The following CDH2 variants were observed in gnomAD, a reference collection of about 807,000 sequenced individuals.
The protein encoded by CDH2 is cadherin 2, also known as cadherin-2.
Under a neutral mutation model 92.0 loss-of-function variants are expected in CDH2, and 17 were observed. That is an observed-to-expected ratio of 0.18 (90% CI 0.13 to 0.28). The LOEUF (loss-of-function observed/expected upper bound fraction) is 0.28, where lower values mean the gene tolerates loss of function less well. Ranked by LOEUF, CDH2 falls within the 10% of genes least tolerant of loss-of-function variation. The pLI, the probability that CDH2 is intolerant of heterozygous loss-of-function variation, is 1.00. For missense variants in CDH2, 862 were observed against 1,133.1 expected (o/e 0.76, Z 3.44); for synonymous variants, 419 against 415.9 (o/e 1.01, Z -0.09).
intron 2 of CDH2, among the ~76,000 whole-genome samples, chr18:28,052,993 T>C (rs568490428): frequency 1.3e-5 from 2 of 152,070 alleles, no homozygotes; most frequent in Non-Finnish European, 2.9e-5. Context: ...CTGGTGTCCA[T>C]ATAAAAAGAC....
intron 2 of CDH2, among the ~76,000 whole-genome samples, chr18:28,046,937 G>A (rs1048063345): frequency 2.0e-4 from 30 of 152,302 alleles, no homozygotes; most frequent in African/African-American, 6.5e-4. Context: ...CCTTAAGGCA[G>A]GTATGCAATA....
chr18:27,969,210 C>T (rs909386754), intron 14 of CDH2, among the ~76,000 whole-genome samples: 40 of 152,142 alleles, frequency 2.6e-4, no homozygotes, highest in African/African-American at 8.9e-4. Context: ...GAACCATAAA[C>T]CTAATACAAA....
At chr18:28,176,895 G>A (rs1394795366) in intron 1 of CDH2, 68 bp downstream of exon 1, 77 of 942,270 alleles carry the variant, frequency 8.2e-5, no homozygotes, top group Admixed American at 2.1e-4. Context: ...GCGGCGCGGG[G>A]AACAAAGGGA....
At chr18:28,172,216 T>C (rs17536954) in intron 1 of CDH2, among the ~76,000 whole-genome samples, 4,293 of 152,080 alleles carry the variant, frequency 0.028, 211 homozygotes, top group African/African-American at 0.098. Context: ...CTAAGCAGAA[T>C]TTAATCTAAA....
At chr18:27,983,227 C>A in intron 13 of CDH2, 144 bp from the exon 14 acceptor site, 1 of 590,048 alleles carries the variant, frequency 1.7e-6, no homozygotes, top group Non-Finnish European at 2.8e-6. Flanking sequence ...TATTTCTGGC[C>A]TCACATTAAG....
chr18:27,958,791 C>T (rs567202579), intron 15 of CDH2, among the ~76,000 whole-genome samples: 2 of 152,206 alleles, frequency 1.3e-5, no homozygotes, highest in Admixed American at 6.5e-5. Flanking sequence ...ACGGTTACCC[C>T]TATGCTGCCG....
At chr18:27,968,525 C>G (rs2011583357) in intron 14 of CDH2, among the ~76,000 whole-genome samples, 1 of 152,158 alleles carries the variant, frequency 6.6e-6, no homozygotes, top group Non-Finnish European at 1.5e-5. Flanking sequence ...ATAAGACTAA[C>G]TGTTGTTTAG....
chr18:27,989,105 A>G (rs1045439125), intron 10 of CDH2, among the ~76,000 whole-genome samples: 1 of 152,226 alleles, frequency 6.6e-6, no homozygotes, highest in Non-Finnish European at 1.5e-5. Context: ...AAACATTTTA[A>G]CACTTTATCA....
chr18:27,958,477 G>T (rs1211415601), intron 15 of CDH2, among the ~76,000 whole-genome samples: 3 of 148,852 alleles, frequency 2.0e-5, no homozygotes, highest in Non-Finnish European at 4.5e-5. Flanking sequence ...ATATATGTAT[G>T]TTTGTATCTA....
chr18:27,989,190 C>T (rs918380916), intron 10 of CDH2, among the ~76,000 whole-genome samples: 1 of 152,174 alleles, frequency 6.6e-6, no homozygotes, highest in African/African-American at 2.4e-5. Flanking sequence ...TGGGCCAAGC[C>T]TCAGATCTAT....
intron 14 of CDH2, among the ~76,000 whole-genome samples, chr18:27,978,363 T>C (rs779291566): frequency 6.6e-6 from 1 of 151,902 alleles, no homozygotes; most frequent in African/African-American, 2.4e-5. Flanking sequence ...ACAGAACAGG[T>C]AGTACCGCAT....
At chr18:28,159,034 T>C (rs1039349193) in intron 1 of CDH2, 8 of 152,232 alleles carry the variant, frequency 5.3e-5, no homozygotes, top group African/African-American at 1.4e-4. Flanking sequence ...AGATATTATC[T>C]ACAATAGAAA....
At chr18:28,041,649 C>A (rs952108910) in intron 2 of CDH2, among the ~76,000 whole-genome samples, 2 of 152,110 alleles carry the variant, frequency 1.3e-5, no homozygotes, top group Admixed American at 1.3e-4. Flanking sequence ...TTCTTTCAGA[C>A]GAATCATTCT....
intron 2 of CDH2, among the ~76,000 whole-genome samples, chr18:28,062,698 G>T (rs1343039206): frequency 6.6e-6 from 1 of 152,184 alleles, no homozygotes; most frequent in African/African-American, 2.4e-5. Context: ...TCCAGGCTAG[G>T]CGTGGTGGCT....
Position 28,003,137 on chromosome 18 carries a change from C to T in CDH2, c.880G>A (p.Ala294Thr), listed in dbSNP as rs1199412138. ...CCATTGAGGGCATTGGGATCGTCAG[C>T]ATCAATTGCTGTTACGGTCATCACA... is the stretch of plus-strand genomic sequence containing the variant. ...TYVMTVTAID[A>T]DDPNALNGML... Residue 294 changes from alanine to threonine, a missense_variant, in exon 7 of 16, where the codon GCT (alanine) becomes ACT (threonine). By Grantham distance (58) the Ala-to-Thr change is moderately conservative. Coordinates refer to ENST00000269141, the MANE Select transcript of CDH2 (RefSeq NM_001792.5). The T allele has an allele frequency of 5.0e-6, 8 of 1,613,884 alleles. No individual in the cohort carries two copies. In the Admixed American group the frequency reaches 1.3e-4, roughly 27 times the overall value.
At chr18:28,031,868 C>T (rs1405332954) in intron 2 of CDH2, among the ~76,000 whole-genome samples, 1 of 152,032 alleles carries the variant, frequency 6.6e-6, no homozygotes, top group Admixed American at 6.6e-5. Flanking sequence ...AATGGGTGAT[C>T]AGAGCCGACT....
At chr18:28,130,402 T>G (rs1001803520) in intron 2 of CDH2, among the ~76,000 whole-genome samples, 12 of 152,238 alleles carry the variant, frequency 7.9e-5, no homozygotes, top group Non-Finnish European at 2.9e-5. Context: ...AAATGGAGTA[T>G]ATCACAGTCA....
chr18:28,052,192 A>C (rs2014205714), intron 2 of CDH2, among the ~76,000 whole-genome samples: 1 of 152,214 alleles, frequency 6.6e-6, no homozygotes. Flanking sequence ...AAAAATTAAG[A>C]AATGAAAAAT....
At chr18:28,004,223 C>A (rs1233511332) in intron 6 of CDH2, among the ~76,000 whole-genome samples, 1 of 152,192 alleles carries the variant, frequency 6.6e-6, no homozygotes, top group South Asian at 2.1e-4. Context: ...TAAGCTCCAA[C>A]AGGGCAGGAA....
Sources: allele counts gnomAD v4.1 joint callset (sites outside exome capture counted in the v4.1 genomes callset), GRCh38; gene constraint gnomAD v4.1.1; transcripts MANE v1.5; gene names NCBI Gene and HGNC (gene_info 2026-07-23, HGNC 2026-07-21).